The following HDAC8 variants were observed in gnomAD, a reference collection of about 807,000 sequenced individuals.
HDAC8 encodes histone deacetylase 8, also known as histone deacetylase-like 1.
HDAC8 carries 1 observed loss-of-function variant against 32.2 expected under a neutral mutation model. The observed-to-expected ratio is 0.03, with a 90% CI of 0.01 to 0.15. The LOEUF is 0.15. Among genes scored for constraint, HDAC8 ranks in the 10% least tolerant of loss-of-function variants. The pLI, the probability that HDAC8 is intolerant of heterozygous loss-of-function variation, is 1.00. For missense variants in HDAC8, 117 were observed against 300.0 expected (o/e 0.39, Z 4.51); for synonymous variants, 108 against 113.9 (o/e 0.95, Z 0.33).
At chrX:72,549,256 AC>A (rs1556063147) in intron 4 of HDAC8, among the ~76,000 whole-genome samples, 2 of 103,972 alleles carry the variant, frequency 1.9e-5, no homozygotes, top group African/African-American at 7.1e-5. Context: ...TTCTTTTTCC[AC>A]CCCGTTTTAA....
chrX:72,468,001 T>A (rs782578375), intron 7 of HDAC8: 1 of 1,191,846 alleles, frequency 8.4e-7, no homozygotes, highest in East Asian at 3.0e-5. Flanking sequence ...GGAGTTCTGA[T>A]AAAGAGGGCT....
chrX:72,474,026 T>C lies in HDAC8; in HGVS notation c.738-9295A>G, dbSNP rs2048258508. The C allele has an allele frequency of 6.4e-6, 4 of 628,654 alleles. No homozygotes were observed. In the South Asian group the frequency reaches 3.3e-4, roughly 52 times the overall value. The allele number at this position is 628,654 out of a possible 1,213,427, so 51.8% of individuals were successfully genotyped here. A position where few individuals can be genotyped will look rare whatever the true frequency, so the allele number is the denominator to read the frequency against. ...GTCTCTCCCAACTTTGATCTTGCTG[T>C]ACCCTGTGTGTAGAACATCCTTCCC... is the stretch of plus-strand genomic sequence containing the variant. On this transcript the variant is annotated intron_variant, in intron 7 of 10. Transcript: ENST00000373573.
intron 4 of HDAC8, among the ~76,000 whole-genome samples, chrX:72,509,725 GA>G (rs1266908302): frequency 9.0e-6 from 1 of 110,860 alleles, no homozygotes; most frequent in African/African-American, 3.3e-5. Flanking sequence ...AGGAGAGGGG[GA>G]AATGGGGACT....
intron 4 of HDAC8, among the ~76,000 whole-genome samples, chrX:72,511,412 G>A (rs782248216): frequency 4.3e-4 from 48 of 111,429 alleles, no homozygotes; most frequent in Non-Finnish European, 7.3e-4. Context: ...AAATTGTGCC[G>A]GCTCAACCTT....
At chrX:72,368,380 T>C (rs36085328) in intron 9 of HDAC8, among the ~76,000 whole-genome samples, 1,841 of 98,573 alleles carry the variant, frequency 0.019, 29 homozygotes, top group East Asian at 0.087. Flanking sequence ...TTTTTTGAGA[T>C]GGAGTCTCAC....
chrX:72,363,082 C>T (rs782447135), intron 9 of HDAC8, among the ~76,000 whole-genome samples: 15 of 108,275 alleles, frequency 1.4e-4, no homozygotes, highest in African/African-American at 4.9e-4. Flanking sequence ...GGTCTCCCTG[C>T]AGGCCAGAAT....
chrX:72,559,807 G>A (rs782524352), intron 4 of HDAC8, among the ~76,000 whole-genome samples: 1 of 107,267 alleles, frequency 9.3e-6, no homozygotes, highest in Non-Finnish European at 1.9e-5. Context: ...CCGCCCGTCT[G>A]TGAAGTGAGG....
intron 6 of HDAC8, among the ~76,000 whole-genome samples, chrX:72,489,914 C>T (rs1386260202): frequency 4.5e-5 from 5 of 111,142 alleles, no homozygotes; most frequent in Admixed American, 1.9e-4. Context: ...AAGAAAAAAA[C>T]AAACAACCCC....
At chrX:72,367,250 T>C (rs782060646) in intron 9 of HDAC8, among the ~76,000 whole-genome samples, 2 of 112,138 alleles carry the variant, frequency 1.8e-5, no homozygotes, top group Non-Finnish European at 3.8e-5. Context: ...CAGCCAGCTG[T>C]CCTGTAAATG....
chrX:72,408,686 G>A lies in HDAC8; in HGVS notation c.1005+53318C>T, dbSNP rs782180095. On this transcript the variant is annotated intron_variant, in intron 9 of 10. Coordinates refer to ENST00000373573, the MANE Select transcript of HDAC8 (RefSeq NM_018486.3). ...CTCCCAAAGTGCTGAGATTACAGGC[G>A]TGAGCCACTGTACCTGGCCGGGGGG... Among the ~76,000 whole-genome samples the A allele has an allele frequency of 8.0e-5, 9 of 112,180 alleles. No individual in the cohort carries two copies. The South Asian group carries it at 1.5e-3, about 19-fold the overall frequency.
At position 72,479,682 on chromosome X, in the gene HDAC8, G is replaced by A. The variant is rs577485923; in HGVS notation, c.737+9251C>T. On this transcript the variant is annotated intron_variant, in intron 7 of 10. Transcript: ENST00000373573. The stretch of plus-strand genomic sequence containing the variant: ...GAAGACTTGTTTACTCAGGGTGGGA[G>A]GGACTGTCATGATGGCAGGGCTACT... Among the ~76,000 whole-genome samples the A allele has an allele frequency of 3.6e-5, 4 of 112,404 alleles. No homozygotes were observed. The East Asian group carries it at 1.1e-3, about 32-fold the overall frequency.
intron 9 of HDAC8, among the ~76,000 whole-genome samples, chrX:72,368,849 A>G (rs1409503409): frequency 1.8e-5 from 2 of 112,531 alleles, no homozygotes; most frequent in African/African-American, 6.5e-5. Flanking sequence ...TTGAGCAAAC[A>G]TGCACTGAAC....
intron 9 of HDAC8, among the ~76,000 whole-genome samples, chrX:72,437,332 C>A (rs1352546961): frequency 8.9e-6 from 1 of 112,081 alleles, no homozygotes; most frequent in Non-Finnish European, 1.9e-5. Flanking sequence ...TTCCCATGGA[C>A]TTCACAACCC....
chrX:72,500,802 G>A (rs782666800), intron 4 of HDAC8, among the ~76,000 whole-genome samples: 1 of 111,517 alleles, frequency 9.0e-6, no homozygotes, highest in South Asian at 3.8e-4. Context: ...AGAAATAATG[G>A]GCATCCAAAT....
At chrX:72,429,006 CCTTT>C (rs1173489163) in intron 9 of HDAC8, among the ~76,000 whole-genome samples, 28 of 101,892 alleles carry the variant, frequency 2.7e-4, no homozygotes, top group South Asian at 4.3e-4. Flanking sequence ...ATGTTTGATT[CCTTT>C]CTTTCTTTCT....
chrX:72,489,368 T>A, intron 6 of HDAC8: 1 of 268,392 alleles, frequency 3.7e-6, no homozygotes, highest in Non-Finnish European at 6.9e-6. Flanking sequence ...ATAGTAAGCA[T>A]AAGTGATCTG....
chrX:72,422,540 C>G (rs139205475), intron 9 of HDAC8, among the ~76,000 whole-genome samples: 231 of 111,543 alleles, frequency 2.1e-3, no homozygotes, highest in African/African-American at 7.2e-3. Context: ...CAAGTCTTTC[C>G]TGAACATGCA....
intron 9 of HDAC8, among the ~76,000 whole-genome samples, chrX:72,354,425 A>C: frequency 8.9e-6 from 1 of 112,892 alleles, no homozygotes; most frequent in Non-Finnish European, 1.9e-5. Context: ...CATACCCTGC[A>C]GTGTCCAACT....
intron 4 of HDAC8, among the ~76,000 whole-genome samples, chrX:72,563,749 A>T (rs1603238310): frequency 9.0e-6 from 1 of 111,695 alleles, no homozygotes; most frequent in Non-Finnish European, 1.9e-5. Flanking sequence ...AAAAAAAATT[A>T]GGCCACATTC....
Sources: allele counts gnomAD v4.1 joint callset (sites outside exome capture counted in the v4.1 genomes callset), GRCh38; gene constraint gnomAD v4.1.1; transcripts MANE v1.5; gene names NCBI Gene and HGNC (gene_info 2026-07-23, HGNC 2026-07-21).